The following STX7 variants were observed in gnomAD, a reference collection of about 807,000 sequenced individuals.
STX7 encodes syntaxin-7.
Under a neutral mutation model 39.6 loss-of-function variants are expected in STX7, and 34 were observed. The observed-to-expected ratio is 0.86, with a 90% CI of 0.65 to 1.14. The LOEUF (loss-of-function observed/expected upper bound fraction) is 1.14, where lower values mean the gene tolerates loss of function less well. STX7 is among the 50% of genes most tolerant of loss of function. The probability of loss-of-function intolerance (pLI) is 0.00; values close to 1 mark genes in which losing one functional copy is unlikely to be tolerated. For synonymous variants in STX7, 119 were observed against 99.1 expected, an observed-to-expected ratio of 1.20 and a Z score of -1.19; for missense variants, 284 against 310.4, an observed-to-expected ratio of 0.92 and a Z score of 0.64.
intron 2 of STX7, among the ~76,000 whole-genome samples, chr6:132,482,491 A>G (rs1272962510): frequency 6.6e-6 from 1 of 152,236 alleles, no homozygotes; most frequent in Non-Finnish European, 1.5e-5. Flanking sequence ...ACTTGTTCCA[A>G]AAACTATAGC....
intron 2 of STX7, among the ~76,000 whole-genome samples, chr6:132,494,275 C>T (rs1775368162): frequency 6.6e-6 from 1 of 151,984 alleles, no homozygotes; most frequent in Admixed American, 6.6e-5. Context: ...AGTGTGATCT[C>T]AATTTCATTA....
intron 2 of STX7, among the ~76,000 whole-genome samples, chr6:132,489,509 C>G (rs894711487): frequency 6.6e-6 from 1 of 152,234 alleles, no homozygotes; most frequent in East Asian, 1.9e-4. Context: ...CTTTTCCCCT[C>G]TAGCACTAGT....
At chr6:132,461,786 T>C in intron 9 of STX7, 1 of 1,491,612 alleles carries the variant, frequency 6.7e-7, no homozygotes, top group Non-Finnish European at 9.0e-7. Flanking sequence ...TTTTGTTCCG[T>C]TCTTCATTCC....
chr6:132,461,474 T>C (rs1032224827), intron 9 of STX7, among the ~76,000 whole-genome samples: 4 of 148,144 alleles, frequency 2.7e-5, no homozygotes, highest in African/African-American at 9.9e-5. Flanking sequence ...ACCCAGCTAA[T>C]TTTTTTTTTG....
chr6:132,494,346 C>G (rs1582674840), intron 2 of STX7, among the ~76,000 whole-genome samples: 1 of 152,004 alleles, frequency 6.6e-6, no homozygotes, highest in East Asian at 1.9e-4. Context: ...AGCCCTTTAT[C>G]TCTGGGGGCC....
chr6:132,484,941 G>A lies in STX7; in HGVS notation c.86-9279C>T, dbSNP rs566399174. On this transcript the variant is annotated intron_variant, in intron 2 of 9. Transcript: ENST00000367941. ...GCACCGTGTACTGGATATAGTAAGC[G>A]CTCAACAGAGTCTGTTGTTCTCTTG... Among the ~76,000 whole-genome samples, 21 of 152,140 alleles carry A rather than the reference G, an allele frequency of 1.4e-4. No individual in the cohort carries two copies. In the Middle Eastern group the frequency reaches 0.01, roughly 74 times the overall value.
At chr6:132,509,177 G>A (rs1451731229) in intron 1 of STX7, among the ~76,000 whole-genome samples, 3 of 152,166 alleles carry the variant, frequency 2.0e-5, no homozygotes, top group Non-Finnish European at 2.9e-5. Context: ...AACCAAATTT[G>A]GGCTGGGCGC....
chr6:132,468,317 GT>G, intron 8 of STX7, 85 bp downstream of exon 8: 2 of 1,003,528 alleles, frequency 2.0e-6, no homozygotes, highest in Admixed American at 4.1e-5. Context: ...GGGACAGAAA[GT>G]GGTTACTCTT....
chr6:132,471,364 C>T, intron 5 of STX7, 99 bp downstream of exon 5: 1 of 1,317,938 alleles, frequency 7.6e-7, no homozygotes, highest in Non-Finnish European at 1.0e-6. Flanking sequence ...AAGATATTCA[C>T]AGATCTTTAT....
intron 1 of STX7, among the ~76,000 whole-genome samples, chr6:132,510,328 T>C (rs1170176064): frequency 6.6e-6 from 1 of 152,236 alleles, no homozygotes; most frequent in Non-Finnish European, 1.5e-5. Context: ...ACACATCTAC[T>C]GATGTATCAC....
chr6:132,477,517 A>G lies in STX7; in HGVS notation c.86-1855T>C, dbSNP rs181281230. On this transcript the variant is annotated intron_variant, in intron 2 of 9. Coordinates refer to ENST00000367941, the MANE Select transcript of STX7 (RefSeq NM_003569.3). Reference sequence around the variant, plus strand: ...AACCCTACCTCCCAGCATATAGCAAAATACATTTTTAATAAACCATTAATT... The same window carrying G: ...AACCCTACCTCCCAGCATATAGCAAGATACATTTTTAATAAACCATTAATT... Among the ~76,000 whole-genome samples, 13 of 152,270 alleles carry G rather than the reference A, an allele frequency of 8.5e-5. No individual in the cohort carries two copies. The East Asian group carries it at 2.3e-3, about 27-fold the overall frequency.
chr6:132,489,029 C>T (rs1582669457), intron 2 of STX7, among the ~76,000 whole-genome samples: 1 of 151,760 alleles, frequency 6.6e-6, no homozygotes, highest in East Asian at 1.9e-4. Context: ...TGGCGAAAAC[C>T]CATCTCTTCT....
chr6:132,496,942 A>G lies in STX7; in HGVS notation c.85+6504T>C, dbSNP rs557748005. On this transcript the variant is annotated intron_variant, in intron 2 of 9. Coordinates refer to ENST00000367941, the MANE Select transcript of STX7 (RefSeq NM_003569.3). ...GACTAAAATGAATAAAAAGCTGTAA[A>G]CATCAAATGTTGACAAGGACTTTGA... Among the ~76,000 whole-genome samples the G allele has an allele frequency of 1.6e-4, 24 of 152,342 alleles. No individual in the cohort carries two copies. The South Asian group carries it at 3.7e-3, about 24-fold the overall frequency.
At position 132,460,545 on chromosome 6, in the gene STX7, T is replaced by C. The variant is rs1477902726; in HGVS notation, c.*213A>G. 1 of 386,594 alleles carries C rather than the reference T, an allele frequency of 2.6e-6. No individual in the cohort carries two copies. Among genetic ancestry groups the C allele is most frequent in the Non-Finnish European group, 4.6e-6 (1 of 217,568 alleles). 23.9% of individuals were successfully genotyped at this position (386,594 alleles called of 1,614,324 possible). On this transcript the variant is annotated 3_prime_UTR_variant, in exon 10 of 10. Transcript: ENST00000367941. ...ACTATTAAATTGAAGACCAAGGGAG[T>C]TATGTCAGCAGTGACATTTAGAAAA...
chr6:132,446,404 T>C lies in STX7; in HGVS notation c.*14354A>G, dbSNP rs1235199496. 2.6e-5 allele frequency: 4 copies of C among 152,192 alleles called. No homozygotes were observed. The highest frequency in any genetic ancestry group is 4.8e-5 in the African/African-American group (2 of 41,444). 9.4% of individuals were successfully genotyped at this position (152,192 alleles called of 1,614,324 possible). On this transcript the variant is annotated 3_prime_UTR_variant, in exon 10 of 10. Transcript: ENST00000367941. ...AACCTTTTATACAATGTTTTCATTG[T>C]CTTGTTCTTTTTCTGGAACCACAAT...
chr6:132,505,766 A>T, intron 1 of STX7, among the ~76,000 whole-genome samples: 1 of 125,630 alleles, frequency 8.0e-6, no homozygotes, highest in East Asian at 2.7e-4. Context: ...AAAAAAAAAC[A>T]CAGGTTTTGA....
intron 2 of STX7, among the ~76,000 whole-genome samples, chr6:132,490,866 C>A (rs947930351): frequency 4.6e-5 from 7 of 152,052 alleles, no homozygotes; most frequent in Non-Finnish European, 8.8e-5. Flanking sequence ...ATCTTGGGGC[C>A]GATGAAGTGA....
intron 3 of STX7, 131 bp from the exon 4 acceptor site, chr6:132,472,506 C>G: frequency 3.5e-6 from 2 of 567,622 alleles, no homozygotes; most frequent in South Asian, 3.2e-5. Context: ...TCTCAACTTT[C>G]TCTATCAAAA....
At chr6:132,474,494 C>T (rs1396118803) in intron 3 of STX7, among the ~76,000 whole-genome samples, 1 of 151,996 alleles carries the variant, frequency 6.6e-6, no homozygotes, top group African/African-American at 2.4e-5. Flanking sequence ...ATTCCTATTA[C>T]CTATCTTTTA....
Sources: allele counts gnomAD v4.1 joint callset (sites outside exome capture counted in the v4.1 genomes callset), GRCh38; gene constraint gnomAD v4.1.1; transcripts MANE v1.5; gene names NCBI Gene and HGNC (gene_info 2026-07-23, HGNC 2026-07-21).